Variants in RAB5IF observed in about 807,000 individuals in gnomAD.
RAB5IF encodes the protein GEL complex subunit OPTI.
RAB5IF carries 15 observed loss-of-function variants against 20.3 expected under a neutral mutation model. That is an observed-to-expected ratio of 0.74 (90% CI 0.50 to 1.14). The LOEUF (loss-of-function observed/expected upper bound fraction) is 1.14, where lower values mean the gene tolerates loss of function less well. RAB5IF is among the 50% of genes most tolerant of loss of function. RAB5IF has a pLI of 0.00. For synonymous variants in RAB5IF, 67 were observed against 63.7 expected (o/e 1.05, Z -0.25); for missense variants, 148 against 159.5 (o/e 0.93, Z 0.39).
At chr20:36,609,182 C>CACACAG (rs2039020933) in intron 2 of RAB5IF, among the ~76,000 whole-genome samples, 2 of 39,694 alleles carry the variant, frequency 5.0e-5, no homozygotes, top group Non-Finnish European at 9.6e-5. Flanking sequence ...CACACACACA[C>CACACAG]ACACACACAC....
Position 36,605,848 on chromosome 20 carries a change from C to T in RAB5IF, c.-104C>T. On this transcript the variant is annotated 5_prime_UTR_variant, in exon 1 of 4. Transcript: ENST00000344795. ...CGCAGCGCGCCGCAGGACCGGGCCG[C>T]TGAGCCTGCAGCCGCCCCGCGCCGT... The T allele has an allele frequency of 1.7e-6, 1 of 575,614 alleles. No homozygotes were observed. Among genetic ancestry groups the T allele is most frequent in the Non-Finnish European group, 2.7e-6 (1 of 366,966 alleles). 35.7% of individuals were successfully genotyped at this position (575,614 alleles called of 1,614,324 possible).
chr20:36,609,246 CA>C (rs1323919282), intron 2 of RAB5IF, among the ~76,000 whole-genome samples: 1 of 134,420 alleles, frequency 7.4e-6, no homozygotes, highest in Non-Finnish European at 1.5e-5. Flanking sequence ...CACACACACA[CA>C]CACACACACT....
intron 3 of RAB5IF, 117 bp downstream of exon 3, chr20:36,609,847 G>A (rs2039066141): frequency 6.3e-7 from 1 of 1,588,280 alleles, no homozygotes; most frequent in Non-Finnish European, 8.6e-7. Context: ...TTTTCTAAAG[G>A]CTTCTGAGGC....
chr20:36,611,215 T>A (rs942980584), intron 3 of RAB5IF, among the ~76,000 whole-genome samples: 18 of 152,102 alleles, frequency 1.2e-4, no homozygotes, highest in African/African-American at 3.9e-4. Context: ...GTCTTGGAAC[T>A]CCTGACCTCA....
chr20:36,609,593 T>C lies in RAB5IF; in HGVS notation c.219-8T>C. 1 of 1,575,640 alleles carries C rather than the reference T, an allele frequency of 6.3e-7. No individual in the cohort carries two copies. The highest frequency in any genetic ancestry group is 8.6e-7 in the Non-Finnish European group (1 of 1,162,172). On this transcript the variant is annotated splice_polypyrimidine_tract_variant and splice_region_variant and intron_variant, in intron 2 of 3. Coordinates refer to ENST00000344795, the MANE Select transcript of RAB5IF (RefSeq NM_018840.5). ...TTTATGTTTGGTACTTGTTCTCTGTTGCTCCAGATTCTGCCTGATCAATGC... is the reference window on the plus strand; with the variant it reads ...TTTATGTTTGGTACTTGTTCTCTGTCGCTCCAGATTCTGCCTGATCAATGC...
Position 36,605,937 on chromosome 20 carries a change from C to G in RAB5IF, c.-15C>G, listed in dbSNP as rs1047668506. 6.8e-7 allele frequency: 1 copy of G among 1,480,092 alleles called. No homozygotes were observed. The highest frequency in any genetic ancestry group is 9.0e-7 in the Non-Finnish European group (1 of 1,107,384). 91.7% of individuals were successfully genotyped at this position (1,480,092 alleles called of 1,614,324 possible). A position where few individuals can be genotyped will look rare whatever the true frequency, so the allele number is the denominator to read the frequency against. ...CCGCGCGCCCCAGGCCCGGCCCGGG[C>G]GGCGCGACGGGAGGATGAGCGGCGG... is the stretch of plus-strand genomic sequence containing the variant. On this transcript the variant is annotated 5_prime_UTR_variant, in exon 1 of 4. Transcript: ENST00000344795.
intron 1 of RAB5IF, among the ~76,000 whole-genome samples, chr20:36,607,259 CTTTTTTTTT>C (rs1157365481): frequency 1.5e-5 from 2 of 132,884 alleles, no homozygotes; most frequent in Non-Finnish European, 3.2e-5. Context: ...CTAAATGTAT[CTTTTTTTTT>C]TTTTTTTTTT....
chr20:36,611,579 G>GGGGC (rs961416333), intron 3 of RAB5IF, among the ~76,000 whole-genome samples: 27 of 151,490 alleles, frequency 1.8e-4, no homozygotes, highest in Admixed American at 1.8e-3. Flanking sequence ...ATGTAGTGCT[G>GGGGC]GGGCATCTAT....
At chr20:36,609,087 CATGTCAGGTCCCGCT>C (rs1427725725) in intron 2 of RAB5IF, among the ~76,000 whole-genome samples, 2 of 151,118 alleles carry the variant, frequency 1.3e-5, no homozygotes, top group African/African-American at 4.9e-5. Flanking sequence ...CCTGGAGGCC[CATGTCAGGTCCCGCT>C]TGGGATGGCT....
chr20:36,610,433 C>T (rs1042617851), intron 3 of RAB5IF, among the ~76,000 whole-genome samples: 1 of 151,756 alleles, frequency 6.6e-6, no homozygotes, highest in African/African-American at 2.4e-5. Context: ...CGGGCGCGGT[C>T]GCTCACACCT....
chr20:36,612,426 G>A lies in RAB5IF; in HGVS notation c.*375G>A, dbSNP rs2039147800. 1 of 607,318 alleles carries A rather than the reference G, an allele frequency of 1.6e-6. No individual in the cohort carries two copies. Among genetic ancestry groups the A allele is most frequent in the Non-Finnish European group, 2.9e-6 (1 of 344,764 alleles). 37.6% of individuals were successfully genotyped at this position (607,318 alleles called of 1,614,324 possible). On this transcript the variant is annotated 3_prime_UTR_variant, in exon 4 of 4. Coordinates refer to ENST00000344795, the MANE Select transcript of RAB5IF (RefSeq NM_018840.5). ...GGTGTAGAGTTTTTAAACTATCAAT[G>A]GCATTTCAAGTCTTCTGAAACAGCA... is the stretch of plus-strand genomic sequence containing the variant.
At chr20:36,609,258 A>ACACACACACAC (rs1555790847) in intron 2 of RAB5IF, among the ~76,000 whole-genome samples, 6 of 99,150 alleles carry the variant, frequency 6.1e-5, no homozygotes, top group Admixed American at 2.1e-4. Flanking sequence ...CACACACACT[A>ACACACACACAC]TATATAGAGT....
At chr20:36,609,162 C>CATACATATAT (rs1354660617) in intron 2 of RAB5IF, among the ~76,000 whole-genome samples, 9 of 11,192 alleles carry the variant, frequency 8.0e-4, no homozygotes, top group Non-Finnish European at 1.7e-3. Context: ...ATATTACACA[C>CATACATATAT]ACACACACAC....
chr20:36,606,213 T>A (rs1203097393), intron 1 of RAB5IF, 148 bp downstream of exon 1: 2 of 458,476 alleles, frequency 4.4e-6, no homozygotes, highest in Non-Finnish European at 7.7e-6. Flanking sequence ...AGAGCAAACT[T>A]GGCGGGCACT....
chr20:36,611,437 GAA>G (rs1186675195), intron 3 of RAB5IF, among the ~76,000 whole-genome samples: 1 of 104,122 alleles, frequency 9.6e-6, no homozygotes, highest in African/African-American at 3.5e-5. Flanking sequence ...CTCTACAGGG[GAA>G]AAAAAAAAAT....
At chr20:36,610,707 A>G (rs1007477560) in intron 3 of RAB5IF, among the ~76,000 whole-genome samples, 4 of 152,192 alleles carry the variant, frequency 2.6e-5, no homozygotes, top group Admixed American at 6.5e-5. Context: ...CTCAAAAAAA[A>G]AAAAAAAATG....
intron 2 of RAB5IF, among the ~76,000 whole-genome samples, chr20:36,608,752 A>G (rs1170141058): frequency 6.6e-6 from 1 of 150,916 alleles, no homozygotes; most frequent in Non-Finnish European, 1.5e-5. Flanking sequence ...TTTAGTAGCG[A>G]CGGGGTTTCG....
chr20:36,608,556 CTTTTTTTTTTT>C (rs34058641), intron 2 of RAB5IF, among the ~76,000 whole-genome samples: 1 of 104,888 alleles, frequency 9.5e-6, no homozygotes. Flanking sequence ...CGGTCTCATT[CTTTTTTTTTTT>C]TTTTTTTTTT....
intron 2 of RAB5IF, 92 bp from the exon 3 acceptor site, chr20:36,609,509 G>A: frequency 6.7e-7 from 1 of 1,484,864 alleles, no homozygotes; most frequent in Middle Eastern, 1.8e-4. Flanking sequence ...CAAAGTGCTG[G>A]GATTACAGGT....
Sources: gnomAD v4.1 joint callset for allele counts (sites outside exome capture counted in the v4.1 genomes callset) on GRCh38, gnomAD v4.1.1 for gene constraint, MANE v1.5 for transcripts, NCBI Gene and HGNC (gene_info 2026-07-23, HGNC 2026-07-21) for gene names.